HIVEP3: variants seen among roughly 807,000 people sequenced by gnomAD.
The protein encoded by HIVEP3 is transcription factor HIVEP3.
In HIVEP3, 49 loss-of-function variants were observed where a neutral mutation model predicts 152.8. The observed-to-expected ratio is 0.32, with a 90% confidence interval of 0.26 to 0.41. The LOEUF (loss-of-function observed/expected upper bound fraction) is 0.41. HIVEP3 is among the 10% of genes least tolerant of loss of function. The pLI is 1.00. For synonymous variants in HIVEP3, 1,269 were observed against 1,289.0 expected, an observed-to-expected ratio of 0.98 and a Z score of 0.33; for missense variants, 2,790 against 3,103.3, an observed-to-expected ratio of 0.90 and a Z score of 2.40.
At chr1:41,949,269 T>C (rs555279617) in intron 1 of HIVEP3, among the ~76,000 whole-genome samples, 2 of 152,356 alleles carry the variant, frequency 1.3e-5, no homozygotes, top group South Asian at 4.1e-4. Flanking sequence ...GTACCCATTC[T>C]TCCTTTTGTT....
intron 3 of HIVEP3, among the ~76,000 whole-genome samples, chr1:41,603,051 CTATT>C (rs1418712226): frequency 2.6e-4 from 40 of 151,848 alleles, no homozygotes; most frequent in African/African-American, 9.6e-4. Flanking sequence ...ATTTCCATTT[CTATT>C]TATTTATTTA....
At chr1:41,675,487 C>T (rs1268884204) in intron 2 of HIVEP3, among the ~76,000 whole-genome samples, 2 of 152,216 alleles carry the variant, frequency 1.3e-5, no homozygotes, top group African/African-American at 4.8e-5. Context: ...CATCTCCTCT[C>T]CAGAGCCTCT....
rs550648923 is a variant in HIVEP3, at chr1:41,743,496, T to C, written c.-800-42501A>G. Among the ~76,000 whole-genome samples, 3 of 152,318 alleles carry C rather than the reference T, an allele frequency of 2.0e-5. No homozygotes were observed. In the East Asian group the frequency reaches 5.8e-4, roughly 29 times the overall value. ...TGGTGAGTAGCTGTTTGGTGAAACA[T>C]GTCAAATTTAATCACTACTAGTGTT... On this transcript the variant is annotated intron_variant, in intron 1 of 8. Transcript: ENST00000372583.
rs773210629 is a variant in HIVEP3 at position 41,581,488 on chromosome 1, G to A, written c.3310C>T (p.Pro1104Ser). The A allele has an allele frequency of 6.3e-7, 1 of 1,574,900 alleles. No individual in the cohort carries two copies. Among genetic ancestry groups the A allele is most frequent in the Non-Finnish European group, 8.6e-7 (1 of 1,161,458 alleles). Residue 1104 changes from proline (P) to serine (S), a missense_variant, in exon 4 of 9, where the codon CCA becomes TCA. By Grantham distance (74) the Pro-to-Ser change is moderately conservative. Coordinates refer to ENST00000372583, the MANE Select transcript of HIVEP3 (RefSeq NM_024503.5). This position sits in a 1 kb window ranked among gnomAD's most constrained non-coding sequence, Gnocchi z 4.5. ...CCCAATGGGGGCCTGTCCTGCCCTG[G>A]GCCCTTGCCTCCCGGGGGTCCACCA... ...SHGGPPGGKG[P>S]GQDRPPLGPT...
In HIVEP3 at chr1:42,032,031, A is replaced by C. The variant is rs562622439; in HGVS notation, n.119+3776T>G. The stretch of plus-strand genomic sequence containing the variant: ...AAGAAAAACTTCCAGTGACTTTCTC[A>C]GTACTCCCCATGACATGCACTGGCT... On this transcript the variant is annotated intron_variant and non_coding_transcript_variant, in intron 1 of 3. Coordinates refer to the HIVEP3 transcript ENST00000489103. Among the ~76,000 whole-genome samples the C allele has an allele frequency of 3.9e-5, 6 of 152,340 alleles. No individual in the cohort carries two copies. The South Asian group carries it at 1.2e-3, about 32-fold the overall frequency.
intron 1 of HIVEP3, among the ~76,000 whole-genome samples, chr1:41,819,283 A>T (rs1419179517): frequency 3.3e-5 from 5 of 152,124 alleles, no homozygotes; most frequent in Non-Finnish European, 7.4e-5. Context: ...ATTTAACCAC[A>T]AATCAGTTTC....
At chr1:42,004,575 T>C (rs1441556683) in intron 1 of HIVEP3, among the ~76,000 whole-genome samples, 4 of 152,200 alleles carry the variant, frequency 2.6e-5, no homozygotes, top group African/African-American at 9.7e-5. Flanking sequence ...AGCTCCATAC[T>C]GTATGATCAC....
At chr1:41,545,538 A>G (rs367750483) in intron 5 of HIVEP3, among the ~76,000 whole-genome samples, 1 of 141,904 alleles carries the variant, frequency 7.0e-6, no homozygotes, top group African/African-American at 2.7e-5. Flanking sequence ...TACCATCACC[A>G]CCACCACCAT....
chr1:41,603,566 G>C (rs781046107), intron 3 of HIVEP3, among the ~76,000 whole-genome samples: 3 of 151,882 alleles, frequency 2.0e-5, no homozygotes, highest in Non-Finnish European at 4.4e-5. Flanking sequence ...CACCATGTTG[G>C]CCAAGCTGGT....
At chr1:41,638,311 GGAAA>G (rs57423970) in intron 2 of HIVEP3, among the ~76,000 whole-genome samples, 2,545 of 95,552 alleles carry the variant, frequency 0.027, 21 homozygotes, top group South Asian at 0.034. Context: ...GAGAAAGAAA[GGAAA>G]AGGAAAGAAA....
chr1:41,628,346 C>A (rs1645146594), intron 3 of HIVEP3, among the ~76,000 whole-genome samples: 1 of 152,172 alleles, frequency 6.6e-6, no homozygotes, highest in Non-Finnish European at 1.5e-5. Flanking sequence ...CAGCAAGAAC[C>A]ATTATGTAGG....
At chr1:41,723,034 A>T (rs1646700466) in intron 1 of HIVEP3, among the ~76,000 whole-genome samples, 1 of 152,060 alleles carries the variant, frequency 6.6e-6, no homozygotes, top group Non-Finnish European at 1.5e-5. Flanking sequence ...TTAGCATTTA[A>T]CCCCAGAGGC....
chr1:41,810,288 A>G (rs1650876085), intron 1 of HIVEP3, among the ~76,000 whole-genome samples: 1 of 152,210 alleles, frequency 6.6e-6, no homozygotes, highest in Non-Finnish European at 1.5e-5. Context: ...CTTATCTCAA[A>G]TAACTAAGTC....
chr1:41,811,702 G>A (rs553447331), intron 1 of HIVEP3, among the ~76,000 whole-genome samples: 40 of 151,936 alleles, frequency 2.6e-4, no homozygotes, highest in South Asian at 2.3e-3. Flanking sequence ...GGAGGGGGTG[G>A]GGAAAGGCGA....
At chr1:41,532,446 C>T (rs1558035878) in intron 5 of HIVEP3, among the ~76,000 whole-genome samples, 2 of 152,060 alleles carry the variant, frequency 1.3e-5, no homozygotes, top group African/African-American at 4.8e-5. Flanking sequence ...GGCTGGATCA[C>T]CATTGGCCTT....
intron 1 of HIVEP3, among the ~76,000 whole-genome samples, chr1:41,886,712 CAAAAAAAAAAAAAAAA>C (rs71062602): frequency 6.8e-5 from 6 of 87,788 alleles, no homozygotes; most frequent in South Asian, 5.2e-4. Flanking sequence ...AACTCCATTT[CAAAAAAAAAAAAAAAA>C]AAAAAAAAAA....
chr1:41,744,327 T>C (rs1036067582), intron 1 of HIVEP3, among the ~76,000 whole-genome samples: 5 of 152,184 alleles, frequency 3.3e-5, no homozygotes, highest in Non-Finnish European at 7.3e-5. Flanking sequence ...GTGTGAGCCA[T>C]CACGCCTGGC....
At chr1:41,785,570 T>G (rs1649297588) in intron 1 of HIVEP3, among the ~76,000 whole-genome samples, 1 of 152,146 alleles carries the variant, frequency 6.6e-6, no homozygotes, top group Admixed American at 6.5e-5. Flanking sequence ...GTCACTAAAA[T>G]GTCTGGCTTT....
chr1:41,915,562 G>A (rs1051643052), intron 1 of HIVEP3, among the ~76,000 whole-genome samples: 9 of 152,144 alleles, frequency 5.9e-5, no homozygotes, highest in African/African-American at 2.2e-4. Context: ...TTCCTCCAAT[G>A]ATCAAAATTC....
Sources: allele counts gnomAD v4.1 joint callset (sites outside exome capture counted in the v4.1 genomes callset), GRCh38; gene constraint gnomAD v4.1.1; non-coding constraint Gnocchi (gnomAD v3.1); transcripts MANE v1.5; gene names NCBI Gene and HGNC (gene_info 2026-07-23, HGNC 2026-07-21).